Variants in IL7 observed in about 807,000 individuals in gnomAD.
IL7 encodes interleukin-7.
Under a neutral mutation model 21.6 loss-of-function variants are expected in IL7, and 3 were observed. The observed-to-expected ratio is 0.14, with a 90% CI of 0.06 to 0.36. The LOEUF is 0.36. Ranked by LOEUF, IL7 falls within the 10% of genes least tolerant of loss-of-function variation. IL7 has a pLI of 1.00. For synonymous variants in IL7, 62 were observed against 68.1 expected, an observed-to-expected ratio of 0.91 and a Z score of 0.44; for missense variants, 175 against 200.2, an observed-to-expected ratio of 0.87 and a Z score of 0.76.
intron 5 of IL7, 130 bp from the exon 6 acceptor site, chr8:78,733,962 A>T (rs1811492793): frequency 1.6e-6 from 1 of 612,172 alleles, no homozygotes; most frequent in South Asian, 3.4e-5. Flanking sequence ...CCTGTGTGAC[A>T]TTTTAAAGAC....
At chr8:78,788,191 T>A (rs1337746694) in intron 2 of IL7, among the ~76,000 whole-genome samples, 2 of 152,120 alleles carry the variant, frequency 1.3e-5, no homozygotes, top group Non-Finnish European at 2.9e-5. Flanking sequence ...TTATTGATCT[T>A]TTCAAAGAAC....
intron 2 of IL7, among the ~76,000 whole-genome samples, chr8:78,759,540 G>T (rs1454138679): frequency 6.6e-6 from 1 of 152,048 alleles, no homozygotes; most frequent in Non-Finnish European, 1.5e-5. Context: ...CTCCACAAAG[G>T]AATGTAAACA....
intron 3 of IL7, among the ~76,000 whole-genome samples, chr8:78,705,160 G>T (rs924989010): frequency 3.3e-5 from 5 of 152,194 alleles, no homozygotes; most frequent in Non-Finnish European, 7.3e-5. Context: ...ATTCCTGTTG[G>T]AGAGGTGATG....
chr8:78,762,174 T>G, intron 2 of IL7: 3 of 1,592,552 alleles, frequency 1.9e-6, no homozygotes, highest in Non-Finnish European at 2.6e-6. Context: ...AGATCAAATA[T>G]TGTTGGTATT....
intron 2 of IL7, among the ~76,000 whole-genome samples, chr8:78,765,219 A>G (rs183981685): frequency 6.8e-4 from 103 of 152,240 alleles, no homozygotes; most frequent in African/African-American, 2.4e-3. Context: ...ATGCAAGATT[A>G]TAAAAATCTT....
intron 3 of IL7, among the ~76,000 whole-genome samples, chr8:78,705,499 A>G (rs1206368341): frequency 6.6e-6 from 1 of 152,064 alleles, no homozygotes; most frequent in African/African-American, 2.4e-5. Context: ...GCCAAAGAAC[A>G]CCTGTGGGTG....
At chr8:78,789,940 AT>A (rs1813629975) in intron 2 of IL7, among the ~76,000 whole-genome samples, 1 of 152,180 alleles carries the variant, frequency 6.6e-6, no homozygotes, top group African/African-American at 2.4e-5. Flanking sequence ...ATGAGGTGCC[AT>A]AGTACATCTG....
intron 2 of IL7, among the ~76,000 whole-genome samples, chr8:78,794,708 T>C (rs1298633115): frequency 6.6e-6 from 1 of 152,110 alleles, no homozygotes; most frequent in Non-Finnish European, 1.5e-5. Flanking sequence ...TTTACATCTT[T>C]TTGTTTCTGA....
At chr8:78,786,643 G>T (rs1009475012) in intron 2 of IL7, among the ~76,000 whole-genome samples, 15 of 152,320 alleles carry the variant, frequency 9.8e-5, no homozygotes, top group African/African-American at 3.4e-4. Context: ...ATCTTATGGG[G>T]CCATCATGGT....
chr8:78,789,652 T>A lies in IL7; in HGVS notation c.147+8420A>T, dbSNP rs1373460417. On this transcript the variant is annotated intron_variant, in intron 2 of 5. Transcript: ENST00000263851. Reference sequence around the variant, plus strand: ...AGATGCACAGGGGAGGCAGGAAGGTTAGTCAGGGCCCACTGACAGCTGCAG... The same window carrying A: ...AGATGCACAGGGGAGGCAGGAAGGTAAGTCAGGGCCCACTGACAGCTGCAG... 5.3e-5 allele frequency among the ~76,000 whole-genome samples: 8 copies of A among 152,240 alleles called. No homozygotes were observed. In the East Asian group the frequency reaches 1.5e-3, roughly 29 times the overall value.
downstream of IL7, among the ~76,000 whole-genome samples, chr8:78,732,180 C>G (rs1435946088): frequency 1.3e-5 from 2 of 152,030 alleles, no homozygotes; most frequent in South Asian, 4.1e-4. Flanking sequence ...GGTGAAGAGT[C>G]ATTTGCTTCT....
chr8:78,789,886 G>A (rs1182336875), intron 2 of IL7, among the ~76,000 whole-genome samples: 1 of 152,160 alleles, frequency 6.6e-6, no homozygotes, highest in Non-Finnish European at 1.5e-5. Flanking sequence ...GAATACAGAA[G>A]CAGGAACAGG....
intron 2 of IL7, among the ~76,000 whole-genome samples, chr8:78,778,101 A>G (rs948757939): frequency 1.3e-5 from 2 of 152,198 alleles, no homozygotes; most frequent in African/African-American, 4.8e-5. Context: ...ATCCCATTGC[A>G]TTGCAATTCT....
At chr8:78,687,854 TA>T (rs1245001906) in intron 3 of IL7, among the ~76,000 whole-genome samples, 4 of 87,398 alleles carry the variant, frequency 4.6e-5, no homozygotes, top group East Asian at 3.5e-4. Context: ...TATATTTATA[TA>T]ATATATATCT....
At chr8:78,726,207 T>C (rs748287760) in intron 3 of IL7, among the ~76,000 whole-genome samples, 1 of 152,022 alleles carries the variant, frequency 6.6e-6, no homozygotes, top group Non-Finnish European at 1.5e-5. Flanking sequence ...CATTATTGTA[T>C]ATCTTTTTTG....
At chr8:78,783,008 G>T (rs888842054) in intron 2 of IL7, among the ~76,000 whole-genome samples, 1 of 150,822 alleles carries the variant, frequency 6.6e-6, no homozygotes, top group African/African-American at 2.5e-5. Flanking sequence ...ATTCCTCCTG[G>T]ATCTGAACCA....
chr8:78,755,771 T>G (rs941634248), intron 2 of IL7, among the ~76,000 whole-genome samples: 1 of 152,072 alleles, frequency 6.6e-6, no homozygotes, highest in Admixed American at 6.6e-5. Flanking sequence ...TCATGTCATC[T>G]GCAAAGAGGG....
chr8:78,682,863 C>T (rs1341036983), intron 4 of IL7, among the ~76,000 whole-genome samples: 1 of 152,198 alleles, frequency 6.6e-6, no homozygotes, highest in Non-Finnish European at 1.5e-5. Context: ...GGGATACAGA[C>T]ATTGGGTAAA....
intron 3 of IL7, among the ~76,000 whole-genome samples, chr8:78,726,712 G>A (rs1201762204): frequency 1.3e-5 from 2 of 151,850 alleles, no homozygotes; most frequent in Non-Finnish European, 2.9e-5. Flanking sequence ...TCCCCCACCT[G>A]AGTGTAAAAC....
Sources: gnomAD v4.1 joint callset for allele counts (sites outside exome capture counted in the v4.1 genomes callset) on GRCh38, gnomAD v4.1.1 for gene constraint, MANE v1.5 for transcripts, NCBI Gene and HGNC (gene_info 2026-07-23, HGNC 2026-07-21) for gene names.